Variants in GATAD2A observed in about 807,000 individuals in gnomAD.
The protein encoded by GATAD2A is transcriptional repressor p66-alpha.
In GATAD2A, 12 loss-of-function variants were observed where a neutral mutation model predicts 68.5. The ratio of observed to expected loss-of-function variants is 0.18; its 90% CI spans 0.11 to 0.28. The LOEUF is 0.28. Ranked by LOEUF, GATAD2A falls within the 10% of genes least tolerant of loss-of-function variation. GATAD2A has a pLI of 1.00. For missense variants in GATAD2A, 755 were observed against 868.5 expected, an observed-to-expected ratio of 0.87 and a Z score of 1.64; for synonymous variants, 410 against 375.3, an observed-to-expected ratio of 1.09 and a Z score of -1.07.
At position 19,507,938 on chromosome 19, in the gene GATAD2A, T is replaced by C. The variant is rs1015222243; in HGVS notation, c.*2464T>C. 6.6e-6 allele frequency: 1 copy of C among 152,242 alleles called. No individual in the cohort carries two copies. Among genetic ancestry groups the C allele is most frequent in the Admixed American group, 6.5e-5 (1 of 15,284 alleles). The allele number at this position is 152,242 out of a possible 1,614,324, so 9.4% of individuals were successfully genotyped here. A position where few individuals can be genotyped will look rare whatever the true frequency, so the allele number is the denominator to read the frequency against. On this transcript the variant is annotated 3_prime_UTR_variant, in exon 12 of 12. Transcript: ENST00000683918. The stretch of plus-strand genomic sequence containing the variant: ...TGTTCCAGGTGAAGGCATTATTAAG[T>C]ACCTCTCTGGGTGTGGGGTTTGGAC...
At chr19:19,480,439 C>CT (rs2058976058) in intron 2 of GATAD2A, among the ~76,000 whole-genome samples, 1 of 152,324 alleles carries the variant, frequency 6.6e-6, no homozygotes, top group South Asian at 2.1e-4. Context: ...GAAGCTCGTA[C>CT]TTTATCACTG....
intron 1 of GATAD2A, among the ~76,000 whole-genome samples, chr19:19,432,764 G>A (rs756669901): frequency 1.5e-4 from 23 of 152,254 alleles, no homozygotes; most frequent in Non-Finnish European, 2.6e-4. Context: ...AGTATGGCTG[G>A]AACAGAGTGA....
intron 1 of GATAD2A, among the ~76,000 whole-genome samples, chr19:19,442,773 A>G (rs74561453): frequency 7.6e-6 from 1 of 131,396 alleles, no homozygotes; most frequent in African/African-American, 2.9e-5. Flanking sequence ...CCCAAGCTGA[A>G]AAAAAAAAAA....
In GATAD2A at chr19:19,508,210, A is replaced by C. The variant is rs2060948125; in HGVS notation, c.*2736A>C. The C allele has an allele frequency of 6.6e-6, 1 of 152,164 alleles. No individual in the cohort carries two copies. The highest frequency in any genetic ancestry group is 1.5e-5 in the Non-Finnish European group (1 of 68,040). The allele number at this position is 152,164 out of a possible 1,614,324, so 9.4% of individuals were successfully genotyped here. On this transcript the variant is annotated 3_prime_UTR_variant, in exon 12 of 12. Transcript: ENST00000683918. ...AGCTGCTCTGTAGACAGGGCTGGGG[A>C]GATCTCAGAGTTCACACCTCGCCTG...
chr19:19,418,122 C>T (rs1399002836), intron 1 of GATAD2A, among the ~76,000 whole-genome samples: 1 of 152,084 alleles, frequency 6.6e-6, no homozygotes, highest in Non-Finnish European at 1.5e-5. Context: ...TGAGCTAGGT[C>T]CTGGAGGGTG....
intron 1 of GATAD2A, among the ~76,000 whole-genome samples, chr19:19,388,436 G>C (rs554259919): frequency 6.6e-6 from 1 of 152,200 alleles, no homozygotes; most frequent in African/African-American, 2.4e-5. Flanking sequence ...CCCTCCTTCA[G>C]TCTTTGTTGC....
rs1009575749 is a variant in GATAD2A, at chr19:19,477,224, C to T, written c.269+11610C>T. ...GGAGGGTGGGAGACAAGGGAGGGGA[C>T]GTCTGATGGGTGGAAAGATGGGAGA... On this transcript the variant is annotated intron_variant, in intron 2 of 11. Coordinates refer to ENST00000683918, the MANE Select transcript of GATAD2A (RefSeq NM_001384528.1). 3.9e-5 allele frequency among the ~76,000 whole-genome samples: 6 copies of T among 152,200 alleles called. No individual in the cohort carries two copies. In the East Asian group the frequency reaches 5.8e-4, roughly 15 times the overall value.
chr19:19,393,495 A>G (rs1189673657), intron 1 of GATAD2A, among the ~76,000 whole-genome samples: 2 of 152,216 alleles, frequency 1.3e-5, no homozygotes, highest in Admixed American at 1.3e-4. Flanking sequence ...CATGCCTAAG[A>G]TAAAACATTT....
chr19:19,495,653 A>C (rs946261296), intron 5 of GATAD2A, 101 bp from the exon 6 acceptor site: 18 of 1,089,050 alleles, frequency 1.7e-5, no homozygotes, highest in Admixed American at 1.4e-4. Flanking sequence ...AAAAAAAAAA[A>C]AACTAGTATG....
At chr19:19,434,851 G>A (rs906366255) in intron 1 of GATAD2A, among the ~76,000 whole-genome samples, 3 of 152,216 alleles carry the variant, frequency 2.0e-5, no homozygotes, top group Non-Finnish European at 4.4e-5. Context: ...CCATGGGGAT[G>A]ACCATGACCT....
chr19:19,441,128 C>T lies in GATAD2A; in HGVS notation c.-6-24212C>T, dbSNP rs139508959. Among the ~76,000 whole-genome samples, 795 of 151,924 alleles carry T rather than the reference C, an allele frequency of 5.2e-3. 6 individuals are homozygous for T. The highest frequency in any genetic ancestry group is 0.041 in the South Asian group (198 of 4,802). ...TGCGATCTCGGCTCACTGCAACCTC[C>T]GCCTTCACGTTTCAAGTGATTCTCC... On this transcript the variant is annotated intron_variant, in intron 1 of 11. Coordinates refer to ENST00000683918, the MANE Select transcript of GATAD2A (RefSeq NM_001384528.1).
In GATAD2A at chr19:19,508,214, C is replaced by G. The variant is rs560796741; in HGVS notation, c.*2740C>G. On this transcript the variant is annotated 3_prime_UTR_variant, in exon 12 of 12. Transcript: ENST00000683918. The stretch of plus-strand genomic sequence containing the variant: ...GCTCTGTAGACAGGGCTGGGGAGAT[C>G]TCAGAGTTCACACCTCGCCTGTTGT... The G allele has an allele frequency of 6.6e-6, 1 of 152,220 alleles. No individual in the cohort carries two copies. The highest frequency in any genetic ancestry group is 1.5e-5 in the Non-Finnish European group (1 of 68,058). The allele number at this position is 152,220 out of a possible 1,614,324, so 9.4% of individuals were successfully genotyped here. A position where few individuals can be genotyped will look rare whatever the true frequency, so the allele number is the denominator to read the frequency against.
chr19:19,428,380 G>T (rs1036354385), intron 1 of GATAD2A, among the ~76,000 whole-genome samples: 2 of 152,200 alleles, frequency 1.3e-5, no homozygotes, highest in Non-Finnish European at 2.9e-5. Context: ...ATGTTTTGAG[G>T]AACAACATTA....
chr19:19,391,967 C>T (rs2146846556), intron 1 of GATAD2A, among the ~76,000 whole-genome samples: 1 of 152,086 alleles, frequency 6.6e-6, no homozygotes, highest in East Asian at 1.9e-4. Context: ...TGGTTCCATC[C>T]AAATGAATGG....
chr19:19,480,167 A>G (rs2058958836), intron 2 of GATAD2A, among the ~76,000 whole-genome samples: 1 of 152,196 alleles, frequency 6.6e-6, no homozygotes, highest in Non-Finnish European at 1.5e-5. Context: ...AATTGTCTGC[A>G]TAAATTATTT....
In GATAD2A at chr19:19,469,918, G is replaced by A. The variant is rs183558355; in HGVS notation, c.269+4304G>A. Among the ~76,000 whole-genome samples the A allele has an allele frequency of 2.0e-5, 3 of 151,200 alleles. No homozygotes were observed. The East Asian group carries it at 5.8e-4, about 29-fold the overall frequency. Reference sequence around the variant, plus strand: ...GCTGAGATGGTGCCACTGCACTCCAGCCTGGGTGACAGAGCTCCGTCTGTC... The same window carrying A: ...GCTGAGATGGTGCCACTGCACTCCAACCTGGGTGACAGAGCTCCGTCTGTC... On this transcript the variant is annotated intron_variant, in intron 2 of 11. Transcript: ENST00000683918.
chr19:19,426,512 T>G (rs2053109181), intron 1 of GATAD2A, among the ~76,000 whole-genome samples: 1 of 152,092 alleles, frequency 6.6e-6, no homozygotes, highest in Admixed American at 6.5e-5. Context: ...GCTTTTTAAT[T>G]TAATTTTTAT....
chr19:19,497,041 T>G (rs916670092), intron 7 of GATAD2A, among the ~76,000 whole-genome samples: 2 of 152,212 alleles, frequency 1.3e-5, no homozygotes, highest in African/African-American at 2.4e-5. Context: ...ACTTTTTTTC[T>G]TTTTTGGAGA....
chr19:19,465,675 T>A, intron 2 of GATAD2A, 61 bp downstream of exon 2: 1 of 1,533,432 alleles, frequency 6.5e-7, no homozygotes, highest in Non-Finnish European at 8.8e-7. Context: ...TGTGCCCAGG[T>A]TGGGGCTGGC....
Sources: gnomAD v4.1 joint callset for allele counts (sites outside exome capture counted in the v4.1 genomes callset) on GRCh38, gnomAD v4.1.1 for gene constraint, MANE v1.5 for transcripts, NCBI Gene and HGNC (gene_info 2026-07-23, HGNC 2026-07-21) for gene names.